The following HEMK2 variants were observed in gnomAD, a reference collection of about 807,000 sequenced individuals.
The protein encoded by HEMK2 is methyltransferase HEMK2.
chr21:28,580,801 T>C, the HEMK2 span, among the ~76,000 whole-genome samples: 23 of 152,256 alleles, frequency 1.5e-4, no homozygotes, highest in Middle Eastern at 3.4e-3. Flanking sequence ...GCATATCCTG[T>C]TCCTGTTGTG....
At chr21:28,855,820 G>A in the HEMK2 span, among the ~76,000 whole-genome samples, 1 of 152,102 alleles carries the variant, frequency 6.6e-6, no homozygotes, top group Non-Finnish European at 1.5e-5. Context: ...AAACTAATGA[G>A]AACAAACATA....
the HEMK2 span, among the ~76,000 whole-genome samples, chr21:28,757,162 C>T: frequency 6.6e-5 from 10 of 152,182 alleles, no homozygotes; most frequent in South Asian, 8.3e-4. Flanking sequence ...CACTCTAAGT[C>T]GATCTATTTA....
the HEMK2 span, among the ~76,000 whole-genome samples, chr21:28,863,463 T>TACATAC: frequency 1.2e-5 from 1 of 84,314 alleles, no homozygotes; most frequent in African/African-American, 4.9e-5. Flanking sequence ...TATATATATA[T>TACATAC]ATATATACTT....
chr21:28,685,216 C>T, the HEMK2 span, among the ~76,000 whole-genome samples: 1 of 152,150 alleles, frequency 6.6e-6, no homozygotes, highest in African/African-American at 2.4e-5. Context: ...ATTGCCTTGC[C>T]ATATGTTTTC....
At chr21:28,617,690 C>CTACA in the HEMK2 span, among the ~76,000 whole-genome samples, 4,363 of 152,182 alleles carry the variant, frequency 0.029, 211 homozygotes, top group African/African-American at 0.1. Flanking sequence ...AATAATATTT[C>CTACA]TAAAGGTCAT....
At chr21:28,653,315 C>A in the HEMK2 span, among the ~76,000 whole-genome samples, 1 of 151,644 alleles carries the variant, frequency 6.6e-6, no homozygotes, top group African/African-American at 2.4e-5. Context: ...AAAACCCAAA[C>A]TGCTTACTCT....
At chr21:28,598,231 T>G in the HEMK2 span, among the ~76,000 whole-genome samples, 1 of 152,212 alleles carries the variant, frequency 6.6e-6, no homozygotes, top group Non-Finnish European at 1.5e-5. Context: ...GTCCTTTGTA[T>G]GCCTGAGGCC....
At chr21:28,594,189 TA>T in the HEMK2 span, among the ~76,000 whole-genome samples, 1 of 150,232 alleles carries the variant, frequency 6.7e-6, no homozygotes, top group Non-Finnish European at 1.5e-5. Flanking sequence ...GTCAAGGTAA[TA>T]AAAAGTAAGA....
the HEMK2 span, among the ~76,000 whole-genome samples, chr21:28,610,206 T>A: frequency 6.6e-6 from 1 of 152,186 alleles, no homozygotes; most frequent in African/African-American, 2.4e-5. Context: ...AACAGCAGAT[T>A]TCACAGCAGA....
chr21:28,587,552 G>A, the HEMK2 span, among the ~76,000 whole-genome samples: 5 of 152,098 alleles, frequency 3.3e-5, no homozygotes, highest in African/African-American at 1.2e-4. Context: ...TTTCCTTCTG[G>A]CATAGGTTAT....
At chr21:28,831,486 A>AGAAC in the HEMK2 span, among the ~76,000 whole-genome samples, 1 of 65,712 alleles carries the variant, frequency 1.5e-5, no homozygotes, top group Non-Finnish European at 2.8e-5. Context: ...AAAGAAAGAA[A>AGAAC]GAAAGAAAGA....
chr21:28,686,590 T>C, the HEMK2 span, among the ~76,000 whole-genome samples: 3 of 152,220 alleles, frequency 2.0e-5, no homozygotes, highest in Non-Finnish European at 4.4e-5. Flanking sequence ...TAGACAGACA[T>C]GTAGTAGCAA....
At chr21:28,603,301 C>G in the HEMK2 span, among the ~76,000 whole-genome samples, 2 of 152,116 alleles carry the variant, frequency 1.3e-5, no homozygotes, top group African/African-American at 4.8e-5. Context: ...TCTAGGTCAC[C>G]CTCTTAGTCT....
chr21:28,579,279 C>T, the HEMK2 span, among the ~76,000 whole-genome samples: 1 of 152,076 alleles, frequency 6.6e-6, no homozygotes, highest in Non-Finnish European at 1.5e-5. Context: ...CATACAGTAG[C>T]AAATTTATTT....
the HEMK2 span, among the ~76,000 whole-genome samples, chr21:28,725,139 C>A: frequency 6.6e-6 from 1 of 152,142 alleles, no homozygotes; most frequent in South Asian, 2.1e-4. Flanking sequence ...AGCTGATAGT[C>A]CTGACTTCCA....
chr21:28,595,282 G>GT, the HEMK2 span, among the ~76,000 whole-genome samples: 146,371 of 152,078 alleles, frequency 0.96, 70,506 homozygotes, highest in East Asian at 1. Context: ...ATTCGTTCTA[G>GT]TTTTGTACCC....
chr21:28,867,497 G>A, the HEMK2 span, among the ~76,000 whole-genome samples: 3 of 152,148 alleles, frequency 2.0e-5, no homozygotes, highest in South Asian at 2.1e-4. Context: ...CTGCACTGTC[G>A]AGAAATGTAA....
the HEMK2 span, among the ~76,000 whole-genome samples, chr21:28,839,010 T>TATAC: frequency 1.4e-5 from 1 of 72,282 alleles, no homozygotes. Flanking sequence ...TACATATATA[T>TATAC]ACACAATCTG....
the HEMK2 span, among the ~76,000 whole-genome samples, chr21:28,779,054 A>G: frequency 6.6e-6 from 1 of 152,134 alleles, no homozygotes; most frequent in East Asian, 1.9e-4. Context: ...AGCCTCCTTA[A>G]CTCCTTAAAA....
Sources: gnomAD v4.1 joint callset for allele counts (sites outside exome capture counted in the v4.1 genomes callset) on GRCh38, gnomAD v4.1.1 for gene constraint, MANE v1.5 for transcripts, NCBI Gene and HGNC (gene_info 2026-07-23, HGNC 2026-07-21) for gene names.